The following CTNNA3 variants were observed in gnomAD, a reference collection of about 807,000 sequenced individuals.
The protein encoded by CTNNA3 is catenin alpha-3.
A neutral mutation model predicts 95.7 loss-of-function variants in CTNNA3; 76 were observed. That is an observed-to-expected ratio of 0.79 (90% CI 0.66 to 0.96). The LOEUF (loss-of-function observed/expected upper bound fraction) is 0.96, where lower values mean the gene tolerates loss of function less well. Ranked by LOEUF, CTNNA3 falls within the 40% of genes least tolerant of loss-of-function variation. CTNNA3 has a pLI of 0.00. For missense variants in CTNNA3, 1,191 were observed against 1,089.8 expected, an observed-to-expected ratio of 1.09 and a Z score of -1.31; for synonymous variants, 431 against 374.4, an observed-to-expected ratio of 1.15 and a Z score of -1.74.
chr10:67,097,465 G>A, intron 7 of CTNNA3: 1 of 770,776 alleles, frequency 1.3e-6, no homozygotes, highest in Non-Finnish European at 2.2e-6. Flanking sequence ...AGGGACACCT[G>A]GGCCACAGGG....
chr10:66,239,310 T>C (rs2090000746), intron 13 of CTNNA3, among the ~76,000 whole-genome samples: 1 of 151,844 alleles, frequency 6.6e-6, no homozygotes, highest in Non-Finnish European at 1.5e-5. Flanking sequence ...ATATAATGTA[T>C]GCTAGTCTTC....
chr10:66,550,961 C>T lies in CTNNA3; in HGVS notation c.1375-30188G>A, dbSNP rs898259543. Among the ~76,000 whole-genome samples the T allele has an allele frequency of 9.9e-5, 15 of 152,034 alleles. No individual in the cohort carries two copies. The East Asian group carries it at 2.3e-3, about 24-fold the overall frequency. ...TTGCCCCATTGAATTTTAGGTTATA[C>T]TTTATTGCTTTTATATACATTGAAA... On this transcript the variant is annotated intron_variant, in intron 10 of 17. Coordinates refer to ENST00000433211, the MANE Select transcript of CTNNA3 (RefSeq NM_013266.4).
chr10:67,040,615 T>C (rs1443071212), intron 7 of CTNNA3, among the ~76,000 whole-genome samples: 1 of 152,120 alleles, frequency 6.6e-6, no homozygotes, highest in Non-Finnish European at 1.5e-5. Flanking sequence ...AATATGTGTC[T>C]ATATTTTTTA....
intron 7 of CTNNA3, among the ~76,000 whole-genome samples, chr10:66,906,220 A>G (rs1845982327): frequency 6.6e-6 from 1 of 152,282 alleles, no homozygotes; most frequent in Non-Finnish European, 1.5e-5. Context: ...TAACGAAGAG[A>G]TATTAGATAT....
intron 7 of CTNNA3, among the ~76,000 whole-genome samples, chr10:67,063,365 C>G (rs2133227100): frequency 6.6e-6 from 1 of 152,086 alleles, no homozygotes; most frequent in East Asian, 1.9e-4. Context: ...CTAGATAAAG[C>G]TGAATGTGAT....
chr10:66,616,636 G>A (rs778537588), intron 10 of CTNNA3, among the ~76,000 whole-genome samples: 24 of 152,022 alleles, frequency 1.6e-4, no homozygotes, highest in Non-Finnish European at 2.9e-4. Flanking sequence ...TTTACAGTGT[G>A]GTCCTTTGTA....
At chr10:66,073,089 G>A (rs2080474783) in intron 14 of CTNNA3, among the ~76,000 whole-genome samples, 1 of 152,066 alleles carries the variant, frequency 6.6e-6, no homozygotes, top group Non-Finnish European at 1.5e-5. Flanking sequence ...CACAAAAGGA[G>A]AGAATAGAGT....
chr10:66,021,666 T>C (rs1419149940), intron 15 of CTNNA3, among the ~76,000 whole-genome samples: 1 of 152,006 alleles, frequency 6.6e-6, no homozygotes, highest in Non-Finnish European at 1.5e-5. Context: ...AAACAACAAA[T>C]ATTCATAGAG....
At chr10:66,717,224 C>G (rs943710907) in intron 9 of CTNNA3, among the ~76,000 whole-genome samples, 3 of 152,064 alleles carry the variant, frequency 2.0e-5, no homozygotes, top group African/African-American at 7.2e-5. Context: ...GACCTGCCAG[C>G]CCCCGCCATG....
chr10:66,540,317 T>C (rs773679748), intron 10 of CTNNA3, among the ~76,000 whole-genome samples: 1 of 152,160 alleles, frequency 6.6e-6, no homozygotes, highest in South Asian at 2.1e-4. Flanking sequence ...TTGTTGTACA[T>C]GAAATTCACT....
At chr10:67,650,137 C>T (rs1589533576) in intron 1 of CTNNA3, among the ~76,000 whole-genome samples, 2 of 152,250 alleles carry the variant, frequency 1.3e-5, no homozygotes, top group South Asian at 2.1e-4. Context: ...CCACCCTGGC[C>T]GGCATTTGCA....
chr10:67,704,518 C>A (rs901738300), intron 1 of CTNNA3, among the ~76,000 whole-genome samples: 37 of 152,272 alleles, frequency 2.4e-4, no homozygotes, highest in Middle Eastern at 3.4e-3. Flanking sequence ...GAAAAACAAG[C>A]AATGGGGAAA....
intron 11 of CTNNA3, among the ~76,000 whole-genome samples, chr10:66,432,387 G>A (rs188476035): frequency 4.6e-5 from 7 of 152,190 alleles, no homozygotes; most frequent in African/African-American, 1.7e-4. Flanking sequence ...CGCCAGGTGC[G>A]GTGGCTCACG....
intron 7 of CTNNA3, among the ~76,000 whole-genome samples, chr10:66,966,020 C>T (rs1164533363): frequency 2.0e-5 from 3 of 152,154 alleles, no homozygotes; most frequent in Admixed American, 2.0e-4. Flanking sequence ...GTAGTCAGGA[C>T]TTAAGATTTG....
intron 12 of CTNNA3, among the ~76,000 whole-genome samples, chr10:66,309,685 CAAAAAAA>C (rs60400266): frequency 7.2e-4 from 30 of 41,778 alleles, no homozygotes; most frequent in African/African-American, 2.2e-3. Context: ...GACTCCGTCT[CAAAAAAA>C]AAAAAAAAAA....
chr10:66,856,330 T>TAAAC (rs1843681371), intron 7 of CTNNA3, among the ~76,000 whole-genome samples: 1 of 152,052 alleles, frequency 6.6e-6, no homozygotes, highest in Non-Finnish European at 1.5e-5. Context: ...CTGATGGGCG[T>TAAAC]TTAGGTTGAT....
intron 3 of CTNNA3, among the ~76,000 whole-genome samples, chr10:67,588,997 T>C (rs919948306): frequency 6.6e-6 from 1 of 152,086 alleles, no homozygotes; most frequent in African/African-American, 2.4e-5. Context: ...AGTTGACTTT[T>C]GCGAGCCCAG....
intron 11 of CTNNA3, among the ~76,000 whole-genome samples, chr10:66,446,891 G>A (rs79995710): frequency 0.11 from 17,319 of 151,024 alleles, 1,440 homozygotes; most frequent in African/African-American, 0.24. Flanking sequence ...AATTGTCCCT[G>A]TTTGCAGATG....
chr10:66,134,540 A>C (rs2083263839), intron 13 of CTNNA3, among the ~76,000 whole-genome samples: 1 of 152,166 alleles, frequency 6.6e-6, no homozygotes, highest in African/African-American at 2.4e-5. Context: ...TGGGAAAAAC[A>C]AGTATAAGAA....
Sources: allele counts gnomAD v4.1 joint callset (sites outside exome capture counted in the v4.1 genomes callset), GRCh38; gene constraint gnomAD v4.1.1; transcripts MANE v1.5; gene names NCBI Gene and HGNC (gene_info 2026-07-23, HGNC 2026-07-21).